SSH1: variants seen among roughly 807,000 people sequenced by gnomAD.
SSH1 encodes the protein slingshot protein phosphatase 1.
SSH1 carries 43 observed loss-of-function variants against 79.7 expected under a neutral mutation model. That is an observed-to-expected ratio of 0.54 (90% CI 0.42 to 0.70). The LOEUF (loss-of-function observed/expected upper bound fraction) is 0.70, where lower values mean the gene tolerates loss of function less well. Ranked by LOEUF, SSH1 falls within the 30% of genes least tolerant of loss-of-function variation. The probability of loss-of-function intolerance (pLI) is 0.00; values close to 1 mark genes in which losing one functional copy is unlikely to be tolerated. For synonymous variants in SSH1, 599 were observed against 538.3 expected (o/e 1.11, Z -1.56); for missense variants, 1,206 against 1,358.8 (o/e 0.89, Z 1.77).
intron 2 of SSH1, among the ~76,000 whole-genome samples, chr12:108,829,313 T>G (rs1213003522): frequency 6.6e-6 from 1 of 152,106 alleles, no homozygotes; most frequent in East Asian, 1.9e-4. Context: ...GGCGACAAAG[T>G]GAGACACTGT....
chr12:108,806,424 G>A, intron 8 of SSH1, 30 bp from the exon 9 acceptor site: 1 of 1,603,222 alleles, frequency 6.2e-7, no homozygotes, highest in Non-Finnish European at 8.5e-7. Context: ...AGGAGAGCAA[G>A]GAGCTGTAGA....
At chr12:108,793,687 C>T (rs962925996) in intron 13 of SSH1, among the ~76,000 whole-genome samples, 14 of 152,102 alleles carry the variant, frequency 9.2e-5, no homozygotes, top group Non-Finnish European at 2.1e-4. Context: ...TGAGCCACTG[C>T]ACCAAGCCCT....
intron 2 of SSH1, among the ~76,000 whole-genome samples, chr12:108,845,631 G>C (rs769879065): frequency 6.6e-6 from 1 of 152,214 alleles, no homozygotes; most frequent in Non-Finnish European, 1.5e-5. Flanking sequence ...AGGTTGCAGC[G>C]AGCTGAGATT....
intron 2 of SSH1, among the ~76,000 whole-genome samples, chr12:108,832,156 G>A (rs1024920413): frequency 6.6e-6 from 1 of 151,984 alleles, no homozygotes; most frequent in African/African-American, 2.4e-5. Flanking sequence ...AATTAGCTGG[G>A]TGTGGTGGCG....
In SSH1 at chr12:108,788,226, G is replaced by C. The variant is rs1310742098; in HGVS notation, c.2912C>G (p.Ser971Cys). ...RLRLAGLTVS[S>C]PLKRSHSLAK... The stretch of plus-strand genomic sequence containing the variant: ...AAGAGAGTGTGAGCGCTTCAGTGGG[G>C]AAGAGACGGTGAGGCCCGCCAGCCG... The change falls in exon 15 of 15, where the codon TCC becomes TGC. Residue 971 changes from serine to cysteine, a missense_variant. Around this residue, in one of 5 missense-constraint regions of SSH1, gnomAD observed 709 missense variants for 730.6 expected, o/e 0.97. Coordinates refer to ENST00000326495, the MANE Select transcript of SSH1 (RefSeq NM_018984.4). The C allele has an allele frequency of 6.2e-7, 1 of 1,613,938 alleles. No individual in the cohort carries two copies. The highest frequency in any genetic ancestry group is 1.1e-5 in the South Asian group (1 of 91,068).
intron 1 of SSH1, among the ~76,000 whole-genome samples, chr12:108,855,696 G>A (rs117593500): frequency 0.029 from 4,481 of 152,226 alleles, 96 homozygotes; most frequent in Middle Eastern, 0.078. Flanking sequence ...AGCAGTGACC[G>A]GAACAGAAAA....
At chr12:108,835,987 AAC>A (rs1433938160) in intron 2 of SSH1, among the ~76,000 whole-genome samples, 5 of 147,414 alleles carry the variant, frequency 3.4e-5, no homozygotes, top group Admixed American at 1.4e-4. Context: ...AATCGATTAT[AAC>A]TATATTAATA....
chr12:108,800,718 T>C, intron 12 of SSH1, 62 bp downstream of exon 12: 2 of 1,597,584 alleles, frequency 1.3e-6, no homozygotes, highest in South Asian at 1.1e-5. Context: ...TCTCGTTCAT[T>C]CCCACTCTCC....
Position 108,817,037 on chromosome 12 carries a change from C to T in SSH1, c.401+1G>A. 6.2e-7 allele frequency: 1 copy of T among 1,614,018 alleles called. No individual in the cohort carries two copies. Among genetic ancestry groups the T allele is most frequent in the Non-Finnish European group, 8.5e-7 (1 of 1,179,888 alleles). The stretch of plus-strand genomic sequence containing the variant: ...GGGAACACCTAGCCCATCAGACTCA[C>T]CTTTCCTTACTGGAAAAGTCCACTC... On this transcript the variant is annotated splice_donor_variant, in intron 5 of 14. Transcript: ENST00000326495. LOFTEE classifies it high-confidence loss of function.
intron 2 of SSH1, among the ~76,000 whole-genome samples, chr12:108,832,578 G>T (rs2038500531): frequency 6.6e-6 from 1 of 152,224 alleles, no homozygotes; most frequent in Non-Finnish European, 1.5e-5. Flanking sequence ...AAGTGAAGTT[G>T]ATAAAGATGT....
Position 108,788,618 on chromosome 12 carries a change from T to C in SSH1, c.2520A>G (p.Ala840=), listed in dbSNP as rs777872812. The C allele has an allele frequency of 1.2e-6, 2 of 1,610,202 alleles. No individual in the cohort carries two copies. The highest frequency in any genetic ancestry group is 1.7e-5 in the Admixed American group (1 of 59,928). ...ERLKSVPADP[A]PPSRDGPASR... is the part of the protein sequence containing the mutation. ...TGGCAGGGCCATCCCTGGAGGGAGGTGCTGGGTCTGCAGGCACGCTCTTCA... is the reference window on the plus strand; with the variant it reads ...TGGCAGGGCCATCCCTGGAGGGAGGCGCTGGGTCTGCAGGCACGCTCTTCA... The change falls in exon 15 of 15, where the codon GCA becomes GCG. Residue 840 remains alanine, a synonymous_variant. Transcript: ENST00000326495.
rs1227892819 is a variant in SSH1, at chr12:108,788,884, G to T, written c.2254C>A (p.Pro752Thr). 6.2e-7 allele frequency: 1 copy of T among 1,614,108 alleles called. No homozygotes were observed. The highest frequency in any genetic ancestry group is 8.5e-7 in the Non-Finnish European group (1 of 1,180,056). The stretch of plus-strand genomic sequence containing the variant: ...GAATTCTTCAAAAGGAGGGACTTTG[G>T]CAGGACTTTTGGGGTCTCTCTGGAA... ...EPSRETPKVLPKSLLLKNSHC... is the reference protein window; with the variant it reads ...EPSRETPKVLTKSLLLKNSHC... Residue 752 changes from proline (P) to threonine (T), a missense_variant, in exon 15 of 15, where the codon CCA becomes ACA. By Grantham distance (38) the Pro-to-Thr change is conservative (BLOSUM62 -1). Around this residue, in one of 5 missense-constraint regions of SSH1, gnomAD observed 709 missense variants for 730.6 expected, o/e 0.97. Transcript: ENST00000326495.
intron 14 of SSH1, 138 bp from the exon 15 acceptor site, chr12:108,789,382 T>C: frequency 1.1e-6 from 1 of 886,370 alleles, no homozygotes; most frequent in South Asian, 1.4e-5. Flanking sequence ...TTTCACTTAA[T>C]ACTGACAGAC....
At chr12:108,822,315 G>A (rs1372143851) in intron 3 of SSH1, among the ~76,000 whole-genome samples, 1 of 151,752 alleles carries the variant, frequency 6.6e-6, no homozygotes, top group Non-Finnish European at 1.5e-5. Context: ...TGTATTTTTT[G>A]CAGAGATAGG....
chr12:108,807,473 C>T lies in SSH1; in HGVS notation c.731+160G>A, dbSNP rs2037340917. On this transcript the variant is annotated intron_variant, in intron 8 of 14. Coordinates refer to ENST00000326495, the MANE Select transcript of SSH1 (RefSeq NM_018984.4). This position sits in a 1 kb window ranked among gnomAD's most constrained non-coding sequence, Gnocchi z 5.2. Reference sequence around the variant, plus strand: ...GGGACAGGGGCCTGTGTCACAGACCCCTGCTTTAAACGCTGGTTCTGAGAA... The same window carrying T: ...GGGACAGGGGCCTGTGTCACAGACCTCTGCTTTAAACGCTGGTTCTGAGAA... The T allele has an allele frequency of 1.6e-6, 1 of 638,746 alleles. No individual in the cohort carries two copies. The allele number at this position is 638,746 out of a possible 1,614,324, so 39.6% of individuals were successfully genotyped here. A position where few individuals can be genotyped will look rare whatever the true frequency, so the allele number is the denominator to read the frequency against.
chr12:108,836,048 T>A (rs2038620557), intron 2 of SSH1, among the ~76,000 whole-genome samples: 1 of 147,590 alleles, frequency 6.8e-6, no homozygotes. Context: ...AATATTAATA[T>A]AATCAATATT....
At position 108,827,994 on chromosome 12, in the gene SSH1, A is replaced by AGGTT. The variant is rs977185766; in HGVS notation, c.111-4637_111-4634dup. On this transcript the variant is annotated intron_variant, in intron 2 of 14. Transcript: ENST00000326495. Reference sequence around the variant, plus strand: ...GCAGGTCAGGCTGCAAAGGTCCTAAAGGTTGGAGGTGTGATCCCAAACCCT... The same window carrying AGGTT: ...GCAGGTCAGGCTGCAAAGGTCCTAAAGGTTGGTTGGAGGTGTGATCCCAAACCCT... Among the ~76,000 whole-genome samples, 11 of 152,334 alleles carry AGGTT rather than the reference A, an allele frequency of 7.2e-5. No individual in the cohort carries two copies. The Middle Eastern group carries it at 0.01, about 141-fold the overall frequency.
rs758632623 is a variant in SSH1 at position 108,788,480 on chromosome 12, G to A, written c.2658C>T (p.Ala886=). 1 of 1,556,262 alleles carries A rather than the reference G, an allele frequency of 6.4e-7. No homozygotes were observed. Among genetic ancestry groups the A allele is most frequent in the Non-Finnish European group, 8.7e-7 (1 of 1,153,770 alleles). The change falls in exon 15 of 15, where the codon GCC becomes GCT. Residue 886 remains alanine (A), a synonymous_variant. Transcript: ENST00000326495. The stretch of plus-strand genomic sequence containing the variant: ...GTGAGCCTCCTTCCAATGAAGCGGG[G>A]GCGGCCTCTGACTTCTCATCACTCC... ...QAGSDEKSEA[A]PASLEGGSLK...
intron 13 of SSH1, among the ~76,000 whole-genome samples, chr12:108,794,880 GAC>G (rs1364209505): frequency 6.6e-6 from 1 of 152,084 alleles, no homozygotes; most frequent in East Asian, 1.9e-4. Flanking sequence ...TGGGAAGGAA[GAC>G]ACAGGACAGA....
Sources: gnomAD v4.1 joint callset for allele counts (sites outside exome capture counted in the v4.1 genomes callset) on GRCh38, gnomAD v4.1.1 for gene constraint, gnomAD v4.1.1 regional missense constraint, Gnocchi (gnomAD v3.1) non-coding constraint, MANE v1.5 for transcripts, NCBI Gene and HGNC (gene_info 2026-07-23, HGNC 2026-07-21) for gene names.